ITPR2: variants seen among roughly 807,000 people sequenced by gnomAD.
ITPR2 encodes inositol 1,4,5-trisphosphate-gated calcium channel ITPR2.
In ITPR2, 207 loss-of-function variants were observed where a neutral mutation model predicts 317.1. The observed-to-expected ratio is 0.65, with a 90% CI of 0.58 to 0.73. The LOEUF is 0.73. ITPR2 is among the 30% of genes least tolerant of loss of function. The pLI is 0.00. For missense variants in ITPR2, 2,613 were observed against 3,284.0 expected (o/e 0.80, Z 4.99); for synonymous variants, 1,156 against 1,149.1 (o/e 1.01, Z -0.12).
At chr12:26,483,651 C>T in intron 42 of ITPR2, 47 bp downstream of exon 42, 1 of 1,396,224 alleles carries the variant, frequency 7.2e-7, no homozygotes, top group Non-Finnish European at 1.0e-6. Context: ...TTGGCTCCTT[C>T]CCCAAATTAA....
chr12:26,530,742 GTA>G (rs1171701132), intron 37 of ITPR2, among the ~76,000 whole-genome samples: 5 of 152,106 alleles, frequency 3.3e-5, no homozygotes, highest in African/African-American at 1.2e-4. Flanking sequence ...CTCAAACACT[GTA>G]GTATATCTAC....
intron 1 of ITPR2, among the ~76,000 whole-genome samples, chr12:26,819,189 T>C (rs575458916): frequency 1.3e-5 from 2 of 152,340 alleles, no homozygotes; most frequent in South Asian, 2.1e-4. Context: ...CTCTGTCCTA[T>C]ATGCAAATAA....
At chr12:26,480,194 T>C (rs2136832144) in intron 43 of ITPR2, among the ~76,000 whole-genome samples, 1 of 152,378 alleles carries the variant, frequency 6.6e-6, no homozygotes, top group South Asian at 2.1e-4. Context: ...TGGTCTTTAC[T>C]AGCTCATCTC....
At chr12:26,716,078 T>C (rs1270734612) in intron 6 of ITPR2, 66 bp downstream of exon 6, 2 of 1,027,120 alleles carry the variant, frequency 1.9e-6, no homozygotes, top group African/African-American at 1.6e-5. Flanking sequence ...GAAACTATAT[T>C]ACTTTTTTCT....
intron 54 of ITPR2, among the ~76,000 whole-genome samples, chr12:26,392,035 T>C (rs1465609015): frequency 6.6e-6 from 1 of 152,164 alleles, no homozygotes; most frequent in Admixed American, 6.5e-5. Flanking sequence ...TCTTTCATCT[T>C]CGTAAGTTCT....
At chr12:26,442,323 T>C (rs1941504784) in intron 46 of ITPR2, among the ~76,000 whole-genome samples, 1 of 152,176 alleles carries the variant, frequency 6.6e-6, no homozygotes, top group African/African-American at 2.4e-5. Context: ...TTTGTTTATA[T>C]ACTTATAACA....
chr12:26,739,241 T>C lies in ITPR2; in HGVS notation c.164-13476A>G, dbSNP rs147163499. Among the ~76,000 whole-genome samples the C allele has an allele frequency of 2.2e-4, 34 of 152,320 alleles. No individual in the cohort carries two copies. The East Asian group carries it at 2.9e-3, about 13-fold the overall frequency. ...AATGGTTCCCTACTTTGGAGAACAT[T>C]TTGGTAGTTTCTTGAAAAGTTAAAA... On this transcript the variant is annotated intron_variant, in intron 2 of 56. Coordinates refer to ENST00000381340, the MANE Select transcript of ITPR2 (RefSeq NM_002223.4).
At chr12:26,399,407 C>A (rs560462184) in intron 53 of ITPR2, among the ~76,000 whole-genome samples, 2 of 152,318 alleles carry the variant, frequency 1.3e-5, no homozygotes, top group East Asian at 3.9e-4. Context: ...GATTGGGGAG[C>A]TAAGGAGGAC....
At chr12:26,388,354 G>A (rs769347757) in intron 54 of ITPR2, among the ~76,000 whole-genome samples, 14 of 152,220 alleles carry the variant, frequency 9.2e-5, no homozygotes, top group Non-Finnish European at 1.3e-4. Context: ...GATTCAGTTA[G>A]GTTGTTACAG....
intron 2 of ITPR2, among the ~76,000 whole-genome samples, chr12:26,754,045 TTTGA>T (rs1181888321): frequency 6.6e-6 from 1 of 152,232 alleles, no homozygotes; most frequent in Non-Finnish European, 1.5e-5. Context: ...ATGAAAGAGC[TTTGA>T]TTAATTGGTT....
intron 37 of ITPR2, among the ~76,000 whole-genome samples, chr12:26,509,616 G>A (rs186313510): frequency 1.3e-5 from 2 of 152,190 alleles, no homozygotes; most frequent in Non-Finnish European, 2.9e-5. Flanking sequence ...TGTTACATCT[G>A]TTAGTAAAAT....
At chr12:26,658,229 T>C (rs1947418356) in intron 16 of ITPR2, 99 bp from the exon 17 acceptor site, 1 of 791,930 alleles carries the variant, frequency 1.3e-6, no homozygotes, top group Admixed American at 3.8e-5. Flanking sequence ...ATAAACTTAT[T>C]ATATGTTTTA....
chr12:26,741,689 G>A (rs560680964), intron 2 of ITPR2, among the ~76,000 whole-genome samples: 58 of 142,576 alleles, frequency 4.1e-4, no homozygotes, highest in African/African-American at 1.4e-3. Flanking sequence ...CTGTGTGTGC[G>A]TGTGTGTGTG....
intron 11 of ITPR2, among the ~76,000 whole-genome samples, chr12:26,683,393 T>C (rs1274902305): frequency 1.3e-5 from 2 of 152,186 alleles, no homozygotes; most frequent in African/African-American, 4.8e-5. Context: ...ATGTTTTTCA[T>C]ATTTCACAAT....
At chr12:26,659,868 G>A (rs1947456937) in intron 15 of ITPR2, among the ~76,000 whole-genome samples, 1 of 152,180 alleles carries the variant, frequency 6.6e-6, no homozygotes, top group Admixed American at 6.5e-5. Context: ...GAATAGGCTG[G>A]AATGATCTGT....
rs567095149 is a variant in ITPR2, at chr12:26,601,324, C to T, written c.3678+1046G>A. Among the ~76,000 whole-genome samples, 3 of 152,292 alleles carry T rather than the reference C, an allele frequency of 2.0e-5. No homozygotes were observed. In the East Asian group the frequency reaches 5.8e-4, roughly 29 times the overall value. ...CTATTTAGAGGGCCTATGGGGGCAA[C>T]ACCCCAAAGCAATAAGAACTGAGAA... On this transcript the variant is annotated intron_variant, in intron 28 of 56. Transcript: ENST00000381340.
intron 30 of ITPR2, 57 bp downstream of exon 30, chr12:26,599,088 T>C: frequency 2.1e-6 from 3 of 1,449,602 alleles, no homozygotes; most frequent in Non-Finnish European, 2.9e-6. Context: ...TAATAGAAAA[T>C]GCATATTTGA....
At position 26,666,028 on chromosome 12, in the gene ITPR2, T is replaced by C; in HGVS notation, c.1433A>G (p.Asp478Gly). The C allele has an allele frequency of 6.2e-7, 1 of 1,612,032 alleles. No homozygotes were observed. Among genetic ancestry groups the C allele is most frequent in the Non-Finnish European group, 8.5e-7 (1 of 1,179,350 alleles). ...CACATCAGCAACAAAGAATATGAGA[T>C]CTTCCAATAATTTGGTTACAAACCT... Reference protein sequence around the residue: ...ERRFVTKLLEDLIFFVADVPN... With the variant: ...ERRFVTKLLEGLIFFVADVPN... Residue 478 changes from aspartate (D) to glycine (G), a missense_variant, in exon 14 of 57, where the codon GAT becomes GGT. Asp to Gly is a moderately conservative substitution (Grantham distance 94, BLOSUM62 -1). Around this residue, in one of 9 missense-constraint regions of ITPR2, gnomAD observed 515 missense variants for 789.4 expected, o/e 0.65. Coordinates refer to ENST00000381340, the MANE Select transcript of ITPR2 (RefSeq NM_002223.4).
intron 3 of ITPR2, 136 bp downstream of exon 3, chr12:26,725,514 C>T: frequency 1.6e-6 from 1 of 629,644 alleles, no homozygotes; most frequent in Non-Finnish European, 2.8e-6. Context: ...AGCCCTTCTA[C>T]TTTCAATGTG....
Sources: allele counts gnomAD v4.1 joint callset (sites outside exome capture counted in the v4.1 genomes callset), GRCh38; gene constraint gnomAD v4.1.1; regional missense constraint gnomAD v4.1.1; transcripts MANE v1.5; gene names NCBI Gene and HGNC (gene_info 2026-07-23, HGNC 2026-07-21).